COP1: variants seen among roughly 807,000 people sequenced by gnomAD.
COP1 encodes E3 ubiquitin-protein ligase COP1.
In COP1, 24 loss-of-function variants were observed where a neutral mutation model predicts 101.3. That is an observed-to-expected ratio of 0.24 (90% CI 0.17 to 0.33). COP1 has a LOEUF of 0.33. Ranked by LOEUF, COP1 falls within the 10% of genes least tolerant of loss-of-function variation. The pLI is 1.00. For synonymous variants in COP1, 347 were observed against 341.9 expected (o/e 1.01, Z -0.17); for missense variants, 663 against 906.2 (o/e 0.73, Z 3.45).
At chr1:176,054,251 C>T (rs1673078968) in intron 11 of COP1, among the ~76,000 whole-genome samples, 1 of 151,714 alleles carries the variant, frequency 6.6e-6, no homozygotes, top group Non-Finnish European at 1.5e-5. Flanking sequence ...ACCTCCGCCT[C>T]CCAGGTTCAA....
chr1:176,170,363 G>T (rs1482720405), intron 3 of COP1, among the ~76,000 whole-genome samples: 1 of 152,136 alleles, frequency 6.6e-6, no homozygotes, highest in African/African-American at 2.4e-5. Flanking sequence ...ATTATGAAAT[G>T]TGTTTCTTCA....
intron 10 of COP1, among the ~76,000 whole-genome samples, chr1:176,082,887 T>C (rs757384381): frequency 3.9e-5 from 6 of 152,108 alleles, no homozygotes; most frequent in Admixed American, 2.6e-4. Flanking sequence ...TTGTCCCTGA[T>C]ATTTTACAAA....
At chr1:176,168,372 T>G (rs530096997) in intron 3 of COP1, among the ~76,000 whole-genome samples, 27 of 138,618 alleles carry the variant, frequency 1.9e-4, no homozygotes, top group Admixed American at 1.2e-3. Flanking sequence ...ATTTTATATA[T>G]AGAGAGAAAG....
intron 8 of COP1, among the ~76,000 whole-genome samples, chr1:176,119,582 T>C (rs1025987058): frequency 2.0e-5 from 3 of 152,034 alleles, no homozygotes; most frequent in Non-Finnish European, 2.9e-5. Context: ...CAGGCTACAA[T>C]AGAAAAATTT....
intron 15 of COP1, among the ~76,000 whole-genome samples, chr1:176,009,986 A>G (rs969230144): frequency 2.0e-5 from 3 of 151,846 alleles, no homozygotes; most frequent in Non-Finnish European, 2.9e-5. Flanking sequence ...ATGAGGAATT[A>G]GGGTACAGTC....
At chr1:176,198,151 G>A (rs768378217) in intron 1 of COP1, among the ~76,000 whole-genome samples, 2 of 152,046 alleles carry the variant, frequency 1.3e-5, no homozygotes, top group Non-Finnish European at 2.9e-5. Flanking sequence ...CTAATCCTAA[G>A]ATTTATGTGG....
chr1:175,986,133 A>G (rs1657061542), intron 18 of COP1, among the ~76,000 whole-genome samples: 2 of 151,902 alleles, frequency 1.3e-5, no homozygotes, highest in Admixed American at 1.3e-4. Context: ...CATTCTCCTG[A>G]CTCAGCCTCC....
intron 9 of COP1, among the ~76,000 whole-genome samples, chr1:176,102,942 C>A (rs1572247028): frequency 6.6e-6 from 1 of 152,212 alleles, no homozygotes; most frequent in Admixed American, 6.5e-5. Context: ...TCTTGACTCA[C>A]TGGACTTCCC....
intron 9 of COP1, among the ~76,000 whole-genome samples, chr1:176,106,676 G>A (rs1684368202): frequency 6.6e-6 from 1 of 152,100 alleles, no homozygotes; most frequent in Admixed American, 6.5e-5. Flanking sequence ...TAACCAATCA[G>A]GCACTCCTGG....
At chr1:176,112,930 G>A (rs1685545666) in intron 9 of COP1, among the ~76,000 whole-genome samples, 1 of 152,126 alleles carries the variant, frequency 6.6e-6, no homozygotes, top group Non-Finnish European at 1.5e-5. Flanking sequence ...ATTCCAATGT[G>A]TATATACACC....
At chr1:176,110,442 C>A (rs1685085906) in intron 9 of COP1, among the ~76,000 whole-genome samples, 1 of 152,156 alleles carries the variant, frequency 6.6e-6, no homozygotes, top group Admixed American at 6.5e-5. Flanking sequence ...ACTTCTTGTT[C>A]TCTGCCTAGG....
chr1:175,992,118 A>C (rs941035228), intron 15 of COP1, among the ~76,000 whole-genome samples: 1 of 152,248 alleles, frequency 6.6e-6, no homozygotes, highest in African/African-American at 2.4e-5. Flanking sequence ...ATATACACTT[A>C]TGTGGAATAT....
chr1:176,156,388 A>T (rs1693455028), intron 5 of COP1, among the ~76,000 whole-genome samples: 1 of 152,166 alleles, frequency 6.6e-6, no homozygotes, highest in South Asian at 2.1e-4. Flanking sequence ...GTGATAAAGA[A>T]CAGGAGGGAG....
At chr1:176,170,096 G>C (rs1695810281) in intron 3 of COP1, among the ~76,000 whole-genome samples, 1 of 152,094 alleles carries the variant, frequency 6.6e-6, no homozygotes, top group South Asian at 2.1e-4. Flanking sequence ...ACATCTTCAG[G>C]CTCCATTTCT....
intron 9 of COP1, among the ~76,000 whole-genome samples, chr1:176,097,886 A>AG (rs1682706218): frequency 6.6e-6 from 1 of 151,624 alleles, no homozygotes; most frequent in African/African-American, 2.4e-5. Context: ...AAAAAAAAAA[A>AG]AGCTCTAATT....
chr1:175,949,040 G>A (rs1649523623), intron 18 of COP1, among the ~76,000 whole-genome samples: 1 of 151,510 alleles, frequency 6.6e-6, no homozygotes, highest in Admixed American at 6.6e-5. Flanking sequence ...GCGTGTGCCC[G>A]TAGTCCCAGC....
intron 15 of COP1, among the ~76,000 whole-genome samples, chr1:176,008,857 T>G (rs1664071840): frequency 6.6e-6 from 1 of 152,232 alleles, no homozygotes; most frequent in Non-Finnish European, 1.5e-5. Context: ...TGTTTTTATT[T>G]TTAAGTCCAG....
At chr1:175,974,459 T>C (rs1377374187) in intron 18 of COP1, among the ~76,000 whole-genome samples, 1 of 152,104 alleles carries the variant, frequency 6.6e-6, no homozygotes, top group Non-Finnish European at 1.5e-5. Context: ...ATTACAGGCA[T>C]TCAGGGAAAA....
intron 11 of COP1, among the ~76,000 whole-genome samples, chr1:176,053,442 C>A (rs576724711): frequency 6.6e-6 from 1 of 152,272 alleles, no homozygotes; most frequent in Admixed American, 6.5e-5. Flanking sequence ...TTTCAGCTCA[C>A]TGTCATTTTC....
Sources: gnomAD v4.1 joint callset for allele counts (sites outside exome capture counted in the v4.1 genomes callset) on GRCh38, gnomAD v4.1.1 for gene constraint, MANE v1.5 for transcripts, NCBI Gene and HGNC (gene_info 2026-07-23, HGNC 2026-07-21) for gene names.